Variants in OSBPL10 observed in about 807,000 individuals in gnomAD.
The protein encoded by OSBPL10 is oxysterol binding protein like 10, also known as oxysterol-binding protein-related protein 10.
OSBPL10 carries 49 observed loss-of-function variants against 81.7 expected under a neutral mutation model. The ratio of observed to expected loss-of-function variants is 0.60; its 90% CI spans 0.48 to 0.76. The LOEUF (loss-of-function observed/expected upper bound fraction) is 0.76, where lower values mean the gene tolerates loss of function less well. Ranked by LOEUF, OSBPL10 falls within the 30% of genes least tolerant of loss-of-function variation. The pLI is 0.00. For missense variants in OSBPL10, 923 were observed against 987.8 expected, an observed-to-expected ratio of 0.93 and a Z score of 0.88; for synonymous variants, 419 against 383.6, an observed-to-expected ratio of 1.09 and a Z score of -1.08.
chr3:31,974,902 C>T (rs959481761), intron 1 of OSBPL10, among the ~76,000 whole-genome samples: 2 of 152,130 alleles, frequency 1.3e-5, no homozygotes, highest in Admixed American at 1.3e-4. Context: ...AGACAGATGA[C>T]GTGAAAAGGC....
intron 8 of OSBPL10, among the ~76,000 whole-genome samples, chr3:31,673,696 A>G (rs77098155): frequency 0.025 from 3,755 of 152,298 alleles, 63 homozygotes; most frequent in Non-Finnish European, 0.038. Flanking sequence ...AATGGTGCCA[A>G]AGCAGTAAGT....
chr3:31,830,327 C>CT, intron 3 of OSBPL10, 96 bp from the exon 4 acceptor site: 2 of 1,272,738 alleles, frequency 1.6e-6, no homozygotes, highest in Non-Finnish European at 2.2e-6. Context: ...CATCTTTCCC[C>CT]TTCCTCTCTT....
chr3:32,011,703 G>T (rs561284009), intron 2 of OSBPL10, among the ~76,000 whole-genome samples: 1 of 152,310 alleles, frequency 6.6e-6, no homozygotes, highest in Non-Finnish European at 1.5e-5. Flanking sequence ...AAAAAGATTA[G>T]ATGAATGGCT....
At chr3:31,793,601 T>C (rs1473506374) in intron 4 of OSBPL10, among the ~76,000 whole-genome samples, 2 of 152,140 alleles carry the variant, frequency 1.3e-5, no homozygotes, top group African/African-American at 4.8e-5. Flanking sequence ...GCTCAACAAA[T>C]GTGACTGTTC....
chr3:32,035,428 G>C (rs1699507384), intron 2 of OSBPL10, among the ~76,000 whole-genome samples: 1 of 151,932 alleles, frequency 6.6e-6, no homozygotes, highest in Admixed American at 6.6e-5. Flanking sequence ...TGGACATGGT[G>C]GTGCACGCCT....
chr3:31,981,312 T>G, upstream of OSBPL10: 3 of 1,258,308 alleles, frequency 2.4e-6, no homozygotes, highest in Non-Finnish European at 3.0e-6. The surrounding 1 kb of genome is among the most constrained non-coding windows in gnomAD (Gnocchi z 4.5). Flanking sequence ...GCCTGACTCA[T>G]ACAGGAGGAA....
chr3:31,720,999 T>C lies in OSBPL10; in HGVS notation c.1095+12258A>G, dbSNP rs181633253. On this transcript the variant is annotated intron_variant, in intron 6 of 11. Coordinates refer to ENST00000396556, the MANE Select transcript of OSBPL10 (RefSeq NM_017784.5). The stretch of plus-strand genomic sequence containing the variant: ...ATTGAGTTTGCTAATCAGCTGATCT[T>C]AAAACAGGGAGATTTTCCTAGATTA... 4.7e-3 allele frequency among the ~76,000 whole-genome samples: 714 copies of C among 152,150 alleles called. 1 individual carries two copies. The highest frequency in any genetic ancestry group is 5.8e-3 in the Non-Finnish European group (393 of 67,998).
chr3:31,750,757 A>G (rs1575520656), intron 4 of OSBPL10, among the ~76,000 whole-genome samples: 1 of 152,196 alleles, frequency 6.6e-6, no homozygotes, highest in Non-Finnish European at 1.5e-5. Context: ...GAATGATGCC[A>G]TAATCTTAAG....
chr3:32,056,010 T>C (rs140214850), intron 1 of OSBPL10, among the ~76,000 whole-genome samples: 3,339 of 152,310 alleles, frequency 0.022, 45 homozygotes, highest in Middle Eastern at 0.061. Flanking sequence ...AAAGAGCCTA[T>C]GTGACAAATA....
intron 4 of OSBPL10, among the ~76,000 whole-genome samples, chr3:31,802,282 G>T (rs993246539): frequency 6.6e-6 from 1 of 151,690 alleles, no homozygotes; most frequent in South Asian, 2.1e-4. Context: ...CTGGGGCTGG[G>T]CATGGTGACT....
At chr3:31,923,710 C>T (rs915997289) in intron 1 of OSBPL10, among the ~76,000 whole-genome samples, 1 of 151,994 alleles carries the variant, frequency 6.6e-6, no homozygotes, top group African/African-American at 2.4e-5. Context: ...TCACTTGAGC[C>T]CAGGAGGTTG....
At chr3:31,835,187 T>C (rs1181349036) in intron 3 of OSBPL10, among the ~76,000 whole-genome samples, 1 of 152,132 alleles carries the variant, frequency 6.6e-6, no homozygotes, top group East Asian at 1.9e-4. Context: ...AAAAACCACT[T>C]GCTTCGGAGA....
chr3:31,740,138 T>C (rs1339798475), intron 5 of OSBPL10, among the ~76,000 whole-genome samples: 1 of 151,584 alleles, frequency 6.6e-6, no homozygotes, highest in Admixed American at 6.6e-5. Flanking sequence ...CTGCCTCCCA[T>C]GTTCAAGTGA....
chr3:31,929,747 CAAAA>C (rs11328456), intron 1 of OSBPL10, among the ~76,000 whole-genome samples: 3 of 119,084 alleles, frequency 2.5e-5, no homozygotes, highest in Admixed American at 9.3e-5. Context: ...GACTCTGTCT[CAAAA>C]AAAAAAAAAA....
At chr3:31,707,981 G>A (rs1464868894) in intron 6 of OSBPL10, among the ~76,000 whole-genome samples, 1 of 152,096 alleles carries the variant, frequency 6.6e-6, no homozygotes, top group Non-Finnish European at 1.5e-5. Flanking sequence ...AGACAAAGGG[G>A]ATAAATCAAG....
intron 1 of OSBPL10, among the ~76,000 whole-genome samples, chr3:31,893,498 T>C (rs1267115943): frequency 6.6e-6 from 1 of 152,166 alleles, no homozygotes; most frequent in African/African-American, 2.4e-5. Flanking sequence ...GAAAATAAAC[T>C]TAACCTACAA....
At chr3:31,686,245 A>G (rs1700790307) in intron 7 of OSBPL10, among the ~76,000 whole-genome samples, 1 of 152,244 alleles carries the variant, frequency 6.6e-6, no homozygotes, top group African/African-American at 2.4e-5. Flanking sequence ...AAAACGACTC[A>G]GTCTCATTCT....
intron 7 of OSBPL10, among the ~76,000 whole-genome samples, chr3:31,699,112 G>C (rs1479488676): frequency 6.6e-6 from 1 of 152,152 alleles, no homozygotes; most frequent in Non-Finnish European, 1.5e-5. Context: ...GGTAAAAATG[G>C]TCCTACACCT....
Position 31,778,145 on chromosome 3 carries a change from G to T in OSBPL10, c.730-30025C>A, listed in dbSNP as rs971014263. Among the ~76,000 whole-genome samples the T allele has an allele frequency of 2.6e-5, 4 of 152,284 alleles. No homozygotes were observed. The South Asian group carries it at 8.3e-4, about 32-fold the overall frequency. ...CTCAGTGGGGAAATTTATAGCCTGG[G>T]GCTAGGTCTGAGTCCTGCTGCCTGG... On this transcript the variant is annotated intron_variant, in intron 4 of 11. Coordinates refer to ENST00000396556, the MANE Select transcript of OSBPL10 (RefSeq NM_017784.5).
Sources: allele counts gnomAD v4.1 joint callset (sites outside exome capture counted in the v4.1 genomes callset), GRCh38; gene constraint gnomAD v4.1.1; non-coding constraint Gnocchi (gnomAD v3.1); transcripts MANE v1.5; gene names NCBI Gene and HGNC (gene_info 2026-07-23, HGNC 2026-07-21).